The following SLC37A1 variants were observed in gnomAD, a reference collection of about 807,000 sequenced individuals.
SLC37A1 encodes the protein solute carrier family 37 member 1, also known as glucose-6-phosphate exchanger SLC37A1.
Under a neutral mutation model 75.3 loss-of-function variants are expected in SLC37A1, and 49 were observed. The observed-to-expected ratio is 0.65, with a 90% CI of 0.52 to 0.83. The LOEUF (loss-of-function observed/expected upper bound fraction) is 0.83. Ranked by LOEUF, SLC37A1 falls within the 40% of genes least tolerant of loss-of-function variation. The pLI, the probability that SLC37A1 is intolerant of heterozygous loss-of-function variation, is 0.00. For missense variants in SLC37A1, 566 were observed against 695.0 expected (o/e 0.81, Z 2.09); for synonymous variants, 268 against 292.1 (o/e 0.92, Z 0.84).
intron 9 of SLC37A1, among the ~76,000 whole-genome samples, chr21:42,551,803 TTTTTGTTTTGTTTTG>T (rs374568400): frequency 0.059 from 8,905 of 150,922 alleles, 361 homozygotes; most frequent in Middle Eastern, 0.11. Context: ...TCAATGGTTT[TTTTTGTTTTGTTTTG>T]TTTTGTTTTG....
chr21:42,563,700 T>C lies in SLC37A1; in HGVS notation c.1073-115T>C, dbSNP rs2055895092. The C allele has an allele frequency of 1.8e-5, 16 of 874,756 alleles. No homozygotes were observed. The East Asian group carries it at 4.1e-4, about 22-fold the overall frequency. 54.2% of individuals were successfully genotyped at this position (874,756 alleles called of 1,614,324 possible). ...GTTAACTACTAATTGCTCCTCGGTA[T>C]AAATCAAGCTTATGAAGCCAGAGTC... On this transcript the variant is annotated intron_variant, in intron 12 of 19. Coordinates refer to ENST00000352133, the MANE Select transcript of SLC37A1 (RefSeq NM_001320537.2).
intron 3 of SLC37A1, among the ~76,000 whole-genome samples, chr21:42,527,444 T>TAGGGCTTCTGAGGAGGCGGCGTC (rs2054825455): frequency 1.3e-5 from 2 of 152,280 alleles, no homozygotes; most frequent in Admixed American, 1.3e-4. Context: ...ACTCAAGACT[T>TAGGGCTTCTGAGGAGGCGGCGTC]AGGGCTTCTG....
At chr21:42,569,167 G>C (rs961629425) in intron 17 of SLC37A1, among the ~76,000 whole-genome samples, 1 of 152,192 alleles carries the variant, frequency 6.6e-6, no homozygotes, top group African/African-American at 2.4e-5. Context: ...CTTGCTGCGT[G>C]GGGGTCTCCA....
At position 42,563,877 on chromosome 21, in the gene SLC37A1, G is replaced by GAC; in HGVS notation, c.1135_1135+1insAC (p.Gly379AspfsTer8). The GAC allele has an allele frequency of 6.2e-7, 1 of 1,614,156 alleles. No homozygotes were observed. The highest frequency in any genetic ancestry group is 8.5e-7 in the Non-Finnish European group (1 of 1,180,018). On this transcript the variant is annotated frameshift_variant and splice_region_variant. Transcript: ENST00000352133. LOFTEE classifies it high-confidence loss of function. ...CCTGTTTGACGTGGGCGGAATCTTTGGTGAGTTCATTAAGACTTGTTCTGC... is the reference window on the plus strand; with the variant it reads ...CCTGTTTGACGTGGGCGGAATCTTTGACGTGAGTTCATTAAGACTTGTTCTGC...
intron 17 of SLC37A1, among the ~76,000 whole-genome samples, chr21:42,573,854 A>G (rs1239614070): frequency 6.6e-6 from 1 of 152,090 alleles, no homozygotes; most frequent in Non-Finnish European, 1.5e-5. Flanking sequence ...ACCAGATGCT[A>G]CAAAACACAT....
In SLC37A1 at chr21:42,530,654, A is replaced by ACACACACACCCC. The variant is rs1161313598; in HGVS notation, c.139-4043_139-4042insACACACACCCCC. 2.6e-3 allele frequency among the ~76,000 whole-genome samples: 94 copies of ACACACACACCCC among 35,884 alleles called. 3 individuals are homozygous for ACACACACACCCC. Among genetic ancestry groups the ACACACACACCCC allele is most frequent in the Non-Finnish European group, 3.8e-3 (72 of 19,098 alleles). The allele number at this position is 35,884 out of a possible 152,430, so 23.5% of individuals were successfully genotyped here. A position where few individuals can be genotyped will look rare whatever the true frequency, so the allele number is the denominator to read the frequency against. On this transcript the variant is annotated intron_variant, in intron 3 of 19. Transcript: ENST00000352133. ...CACACACACACACACACACACACAC[A>ACACACACACCCC]CCCCCTCTGTGTTGGCTGAAGGTGG... is the stretch of plus-strand genomic sequence containing the variant.
chr21:42,575,432 A>G (rs2056286519), intron 18 of SLC37A1: 4 of 985,448 alleles, frequency 4.1e-6, no homozygotes, highest in African/African-American at 3.5e-5. Flanking sequence ...TAAAGGAGCA[A>G]AGAGGTTGCC....
chr21:42,561,950 A>C (rs1869233708), intron 11 of SLC37A1, 128 bp from the exon 12 acceptor site: 3 of 747,674 alleles, frequency 4.0e-6, no homozygotes, highest in Non-Finnish European at 7.1e-6. Flanking sequence ...ACGTGTCTGG[A>C]GGTGCTAAAG....
upstream of SLC37A1, among the ~76,000 whole-genome samples, chr21:42,510,027 G>A (rs1389516566): frequency 6.6e-6 from 1 of 152,164 alleles, no homozygotes; most frequent in East Asian, 1.9e-4. Flanking sequence ...GTTGAGGTGG[G>A]GAAAAATTAA....
chr21:42,553,056 C>T (rs1345902083), intron 9 of SLC37A1, among the ~76,000 whole-genome samples: 1 of 152,174 alleles, frequency 6.6e-6, no homozygotes, highest in East Asian at 1.9e-4. Flanking sequence ...AGGGGAAATG[C>T]CTCGAAATGT....
chr21:42,564,853 T>A, intron 14 of SLC37A1, 60 bp downstream of exon 14: 1 of 1,485,982 alleles, frequency 6.7e-7, no homozygotes. Context: ...ACTGTCCTCC[T>A]CGCCAGCCAG....
At chr21:42,570,627 C>T (rs2056135066) in intron 17 of SLC37A1, among the ~76,000 whole-genome samples, 1 of 152,206 alleles carries the variant, frequency 6.6e-6, no homozygotes, top group African/African-American at 2.4e-5. Flanking sequence ...GCTGTGAAAC[C>T]CTGTTCTTAA....
chr21:42,517,861 G>A (rs932512086), intron 1 of SLC37A1, among the ~76,000 whole-genome samples: 2 of 152,168 alleles, frequency 1.3e-5, no homozygotes, highest in South Asian at 2.1e-4. Flanking sequence ...TGTCACTACG[G>A]TTCAAAGGTG....
chr21:42,522,463 C>T (rs1482258725), intron 2 of SLC37A1, among the ~76,000 whole-genome samples: 1 of 152,170 alleles, frequency 6.6e-6, no homozygotes, highest in East Asian at 1.9e-4. Context: ...ACCAGCAAGG[C>T]AGCGGCCCGA....
rs910671581 is a variant in SLC37A1 at position 42,545,957 on chromosome 21, G to A, written c.731-1146G>A. On this transcript the variant is annotated intron_variant, in intron 8 of 19. Transcript: ENST00000352133. This position sits in a 1 kb window ranked among gnomAD's most constrained non-coding sequence, Gnocchi z 4.0. Reference sequence around the variant, plus strand: ...CCTTATCAACAAAACCCAGACAAGAGGTTTGATGCTGGCCTCGAGGCCAGC... The same window carrying A: ...CCTTATCAACAAAACCCAGACAAGAAGTTTGATGCTGGCCTCGAGGCCAGC... Among the ~76,000 whole-genome samples the A allele has an allele frequency of 1.3e-5, 2 of 152,228 alleles. No individual in the cohort carries two copies. The highest frequency in any genetic ancestry group is 6.5e-5 in the Admixed American group (1 of 15,284).
chr21:42,503,423 G>A (rs1449060872), intron 2 of SLC37A1, among the ~76,000 whole-genome samples: 2 of 148,784 alleles, frequency 1.3e-5, no homozygotes, highest in African/African-American at 5.2e-5. Context: ...CTGATTTTTT[G>A]TATTTTTTTT....
rs761794870 is a variant in SLC37A1 at position 42,580,411 on chromosome 21, C to A, written c.*51C>A. The A allele has an allele frequency of 7.5e-6, 12 of 1,599,736 alleles. No individual in the cohort carries two copies. Among genetic ancestry groups the A allele is most frequent in the Non-Finnish European group, 1.0e-5 (12 of 1,171,392 alleles). Reference sequence around the variant, plus strand: ...GGTCTGGGCCCACCCTTCACAACTGCCTTTCAAGGACAGTTCAGACAAAGG... The same window carrying A: ...GGTCTGGGCCCACCCTTCACAACTGACTTTCAAGGACAGTTCAGACAAAGG... On this transcript the variant is annotated 3_prime_UTR_variant, in exon 20 of 20. Coordinates refer to ENST00000352133, the MANE Select transcript of SLC37A1 (RefSeq NM_001320537.2).
chr21:42,566,896 C>A, intron 15 of SLC37A1, 89 bp from the exon 16 acceptor site: 1 of 1,358,590 alleles, frequency 7.4e-7, no homozygotes, highest in Non-Finnish European at 1.0e-6. Context: ...CCTCCCTGTG[C>A]TCCCCAGGCG....
chr21:42,567,166 G>A (rs2056001636), intron 16 of SLC37A1, 108 bp downstream of exon 16: 7 of 1,147,542 alleles, frequency 6.1e-6, no homozygotes, highest in South Asian at 2.7e-5. Context: ...GCAGAAGCAC[G>A]TTTTTGGCAG....
Sources: allele counts gnomAD v4.1 joint callset (sites outside exome capture counted in the v4.1 genomes callset), GRCh38; gene constraint gnomAD v4.1.1; non-coding constraint Gnocchi (gnomAD v3.1); transcripts MANE v1.5; gene names NCBI Gene and HGNC (gene_info 2026-07-23, HGNC 2026-07-21).